Variants in FAM222B observed in about 807,000 individuals in gnomAD.
FAM222B encodes protein FAM222B.
In FAM222B, 12 loss-of-function variants were observed where a neutral mutation model predicts 38.0. The ratio of observed to expected loss-of-function variants is 0.32; its 90% CI spans 0.20 to 0.51. The LOEUF is 0.51. Ranked by LOEUF, FAM222B falls within the 20% of genes least tolerant of loss-of-function variation. The pLI is 0.97. For synonymous variants in FAM222B, 329 were observed against 317.2 expected, an observed-to-expected ratio of 1.04 and a Z score of -0.40; for missense variants, 716 against 754.2, an observed-to-expected ratio of 0.95 and a Z score of 0.59.
intron 1 of FAM222B, among the ~76,000 whole-genome samples, chr17:28,769,172 TTC>T (rs1335597054): frequency 5.6e-5 from 7 of 125,136 alleles, no homozygotes; most frequent in Admixed American, 2.8e-4. Flanking sequence ...GCAATGTTAG[TTC>T]TTTTTTTTTT....
chr17:28,785,770 G>A (rs576685089), intron 1 of FAM222B, among the ~76,000 whole-genome samples: 3 of 150,334 alleles, frequency 2.0e-5, no homozygotes, highest in South Asian at 4.2e-4. Flanking sequence ...ACGCAATCTC[G>A]CAATCTCAGC....
chr17:28,774,310 G>A (rs2035782551), intron 1 of FAM222B, among the ~76,000 whole-genome samples: 1 of 152,144 alleles, frequency 6.6e-6, no homozygotes, highest in Non-Finnish European at 1.5e-5. Flanking sequence ...CTGCTGAAGA[G>A]AATCAAGTAG....
chr17:28,794,001 G>A (rs2036822715), intron 1 of FAM222B, among the ~76,000 whole-genome samples: 2 of 151,816 alleles, frequency 1.3e-5, no homozygotes, highest in African/African-American at 4.8e-5. Context: ...TGCCTGCCTC[G>A]GCCTCCCAAA....
chr17:28,812,700 A>G (rs2037842352), intron 1 of FAM222B, among the ~76,000 whole-genome samples: 1 of 151,658 alleles, frequency 6.6e-6, no homozygotes. Context: ...GGAGCCAAGC[A>G]TCCCGTAGCT....
At chr17:28,853,848 T>G (rs2039202059) in intron 1 of FAM222B, among the ~76,000 whole-genome samples, 2 of 151,550 alleles carry the variant, frequency 1.3e-5, no homozygotes, top group African/African-American at 2.4e-5. Context: ...GCTATGATCA[T>G]GCCACTGCAC....
Position 28,831,004 on chromosome 17 carries a change from T to G in FAM222B, c.-41+11678A>C, listed in dbSNP as rs940859393. On this transcript the variant is annotated intron_variant, in intron 1 of 2. Transcript: ENST00000581407. ...TGTGAATGTTTCTTTTTTTTTTTTT[T>G]TTTTTTTTTGAGACGGAGTCTCGCT... 7.5e-3 allele frequency among the ~76,000 whole-genome samples: 1,112 copies of G among 147,412 alleles called. 18 individuals carry two copies. The highest frequency in any genetic ancestry group is 0.025 in the African/African-American group (1,019 of 40,152).
At chr17:28,764,271 C>CA (rs35314377) in intron 2 of FAM222B, among the ~76,000 whole-genome samples, 11,245 of 42,104 alleles carry the variant, frequency 0.27, 1,345 homozygotes, top group Non-Finnish European at 0.35. Flanking sequence ...GACTCCATCT[C>CA]AAAAAAAAAA....
At chr17:28,771,541 C>A (rs551420560) in intron 1 of FAM222B, among the ~76,000 whole-genome samples, 1 of 151,572 alleles carries the variant, frequency 6.6e-6, no homozygotes, top group Non-Finnish European at 1.5e-5. Context: ...ATTAGTCGGG[C>A]GTGGTGATGG....
intron 1 of FAM222B, among the ~76,000 whole-genome samples, chr17:28,833,772 T>C (rs2038749034): frequency 1.3e-5 from 2 of 152,130 alleles, no homozygotes; most frequent in Admixed American, 6.6e-5. Flanking sequence ...CAACTGAAGC[T>C]TGGACTCACA....
rs561080995 is a variant in FAM222B at position 28,798,428 on chromosome 17, T to C, written c.-40-31721A>G. Reference sequence around the variant, plus strand: ...AAATAAATAAAGCAGTGTAAGGAAATAGAAAGTACTGGGTAGGGTAATAAT... The same window carrying C: ...AAATAAATAAAGCAGTGTAAGGAAACAGAAAGTACTGGGTAGGGTAATAAT... On this transcript the variant is annotated intron_variant, in intron 1 of 2. Transcript: ENST00000581407. 7.1e-4 allele frequency among the ~76,000 whole-genome samples: 108 copies of C among 152,074 alleles called. No individual in the cohort carries two copies. In the Middle Eastern group the frequency reaches 0.01, roughly 14 times the overall value.
intron 1 of FAM222B, among the ~76,000 whole-genome samples, chr17:28,818,686 A>T (rs1263882302): frequency 1.3e-5 from 2 of 152,254 alleles, no homozygotes; most frequent in African/African-American, 4.8e-5. Flanking sequence ...CCTAATCTTC[A>T]AAATGACTGC....
At chr17:28,822,079 T>C (rs1337297213) in intron 1 of FAM222B, among the ~76,000 whole-genome samples, 1 of 149,264 alleles carries the variant, frequency 6.7e-6, no homozygotes, top group Non-Finnish European at 1.5e-5. Flanking sequence ...ATCCCAGCAA[T>C]GGTGCGATCT....
intron 1 of FAM222B, among the ~76,000 whole-genome samples, chr17:28,841,493 G>A (rs1354163776): frequency 3.3e-5 from 5 of 152,064 alleles, no homozygotes; most frequent in Non-Finnish European, 5.9e-5. Context: ...CCCTGCCTCA[G>A]CTTCCCAAGC....
chr17:28,790,083 T>C (rs1405152603), intron 1 of FAM222B, among the ~76,000 whole-genome samples: 2 of 152,220 alleles, frequency 1.3e-5, no homozygotes, highest in Admixed American at 6.5e-5. Flanking sequence ...TATATTTATA[T>C]AATTTTTTTT....
At position 28,813,392 on chromosome 17, in the gene FAM222B, T is replaced by G. The variant is rs552317636; in HGVS notation, c.-41+29290A>C. Among the ~76,000 whole-genome samples the G allele has an allele frequency of 7.9e-5, 12 of 152,280 alleles. No homozygotes were observed. The South Asian group carries it at 2.5e-3, about 32-fold the overall frequency. Reference sequence around the variant, plus strand: ...GACAACATGAAAAATAAATGCAATGTGTGATTCTGACCTGGATCCTTTTTG... The same window carrying G: ...GACAACATGAAAAATAAATGCAATGGGTGATTCTGACCTGGATCCTTTTTG... On this transcript the variant is annotated intron_variant, in intron 1 of 2. Transcript: ENST00000581407.
rs1188276491 is a variant in FAM222B at position 28,796,988 on chromosome 17, C to T, written c.-40-30281G>A. On this transcript the variant is annotated intron_variant, in intron 1 of 2. Transcript: ENST00000581407. ...GAGATGGTAGAAGCCAGTTAAGTGG[C>T]TATTGCTTTTTTTTTTTTTTTTTTT... 5.1e-5 allele frequency among the ~76,000 whole-genome samples: 7 copies of T among 136,052 alleles called. No homozygotes were observed. In the East Asian group the frequency reaches 1.3e-3, roughly 25 times the overall value. 89.3% of individuals were successfully genotyped at this position (136,052 alleles called of 152,430 possible).
chr17:28,843,298 C>G (rs1293173498), upstream of FAM222B, among the ~76,000 whole-genome samples: 1 of 143,680 alleles, frequency 7.0e-6, no homozygotes, highest in Admixed American at 7.0e-5. Context: ...CCACCACGCC[C>G]AGCTAATTTT....
chr17:28,836,615 G>T (rs367835516), intron 1 of FAM222B, among the ~76,000 whole-genome samples: 16 of 152,178 alleles, frequency 1.1e-4, no homozygotes, highest in South Asian at 1.0e-3. Context: ...GAGCAAGCAG[G>T]GGGTACGTGA....
intron 1 of FAM222B, among the ~76,000 whole-genome samples, chr17:28,805,369 T>A (rs1271654911): frequency 6.6e-6 from 1 of 152,262 alleles, no homozygotes; most frequent in Admixed American, 6.5e-5. Context: ...ACCCCGTCTC[T>A]ACTGAAAATT....
Sources: gnomAD v4.1 joint callset for allele counts (sites outside exome capture counted in the v4.1 genomes callset) on GRCh38, gnomAD v4.1.1 for gene constraint, MANE v1.5 for transcripts, NCBI Gene and HGNC (gene_info 2026-07-23, HGNC 2026-07-21) for gene names.